Variants in AUTS2 observed in about 807,000 individuals in gnomAD.
AUTS2 encodes activator of transcription and developmental regulator AUTS2, also known as autism susceptibility gene 2 protein.
Under a neutral mutation model 112.4 loss-of-function variants are expected in AUTS2, and 17 were observed. That is an observed-to-expected ratio of 0.15 (90% CI 0.10 to 0.23). The LOEUF (loss-of-function observed/expected upper bound fraction) is 0.23. Among genes scored for constraint, AUTS2 ranks in the 10% least tolerant of loss-of-function variants. AUTS2 has a pLI of 1.00. For synonymous variants in AUTS2, 751 were observed against 702.7 expected (o/e 1.07, Z -1.09); for missense variants, 1,510 against 1,701.6 (o/e 0.89, Z 1.98).
chr7:70,214,621 C>T (rs754894767), intron 4 of AUTS2, among the ~76,000 whole-genome samples: 6 of 152,156 alleles, frequency 3.9e-5, no homozygotes, highest in African/African-American at 7.2e-5. Context: ...ACATACTCCC[C>T]GACAGCCAGC....
intron 2 of AUTS2, among the ~76,000 whole-genome samples, chr7:69,914,450 C>G (rs1375873166): frequency 6.6e-6 from 1 of 150,776 alleles, no homozygotes; most frequent in African/African-American, 2.4e-5. Flanking sequence ...TGGGGATATG[C>G]AATGTAAAAT....
chr7:69,696,609 G>A (rs1469296548), intron 1 of AUTS2, among the ~76,000 whole-genome samples: 1 of 152,200 alleles, frequency 6.6e-6, no homozygotes, highest in Non-Finnish European at 1.5e-5. Context: ...CATGCACAGA[G>A]TGGGGAGAAT....
chr7:70,775,171 G>A (rs900102525), intron 12 of AUTS2, 186 bp from the exon 13 acceptor site: 7 of 601,670 alleles, frequency 1.2e-5, no homozygotes, highest in Admixed American at 3.0e-5. Flanking sequence ...CTTGTGAAGT[G>A]GGGGAGGGGA....
chr7:69,612,596 A>AC (rs1793108829), intron 1 of AUTS2, among the ~76,000 whole-genome samples: 1 of 151,902 alleles, frequency 6.6e-6, no homozygotes, highest in Non-Finnish European at 1.5e-5. Flanking sequence ...AGTAGCTGGG[A>AC]CCACAGGCGC....
intron 2 of AUTS2, among the ~76,000 whole-genome samples, chr7:69,964,350 A>G (rs976687752): frequency 6.6e-6 from 1 of 152,178 alleles, no homozygotes; most frequent in African/African-American, 2.4e-5. Context: ...CCAGGACACT[A>G]AATAGGGCAC....
chr7:69,936,241 T>G (rs571095426), intron 2 of AUTS2, among the ~76,000 whole-genome samples: 16 of 152,194 alleles, frequency 1.1e-4, no homozygotes, highest in African/African-American at 3.4e-4. Flanking sequence ...TTTAGGCCTC[T>G]TCTCTTTCAG....
intron 5 of AUTS2, among the ~76,000 whole-genome samples, chr7:70,585,880 T>TTG (rs1159452278): frequency 0.022 from 3,359 of 151,330 alleles, 107 homozygotes; most frequent in African/African-American, 0.056. Flanking sequence ...ATGTATGTTT[T>TTG]GAGACAGTGT....
chr7:70,130,882 A>G (rs987752507), intron 3 of AUTS2, among the ~76,000 whole-genome samples: 15 of 152,186 alleles, frequency 9.9e-5, no homozygotes, highest in Admixed American at 6.5e-5. Flanking sequence ...ACTGCATTGA[A>G]AATATGAATG....
chr7:70,103,729 AC>A (rs1320346704), intron 2 of AUTS2, among the ~76,000 whole-genome samples: 5 of 151,514 alleles, frequency 3.3e-5, no homozygotes, highest in Non-Finnish European at 7.4e-5. Flanking sequence ...ACATGGTGAA[AC>A]CCCTATCTCT....
At chr7:69,652,112 A>G (rs1245407765) in intron 1 of AUTS2, among the ~76,000 whole-genome samples, 3 of 152,062 alleles carry the variant, frequency 2.0e-5, no homozygotes, top group Non-Finnish European at 4.4e-5. Context: ...CTTAAATCCT[A>G]TTAGGTAAGT....
chr7:70,320,433 A>C (rs1228048713), intron 4 of AUTS2, among the ~76,000 whole-genome samples: 1 of 152,252 alleles, frequency 6.6e-6, no homozygotes, highest in African/African-American at 2.4e-5. Flanking sequence ...ACTTACCAGC[A>C]TGTATTAAAT....
chr7:69,703,368 T>C (rs1021713581), intron 1 of AUTS2, among the ~76,000 whole-genome samples: 5 of 152,230 alleles, frequency 3.3e-5, no homozygotes, highest in African/African-American at 1.2e-4. Flanking sequence ...CATGGAAGGA[T>C]ATCCTCAGCA....
At chr7:69,832,740 G>A (rs1488581177) in intron 1 of AUTS2, among the ~76,000 whole-genome samples, 1 of 152,100 alleles carries the variant, frequency 6.6e-6, no homozygotes, top group Non-Finnish European at 1.5e-5. Flanking sequence ...TACCTTGTAA[G>A]TTAGATATTT....
At chr7:70,469,428 G>A (rs1797292139) in intron 5 of AUTS2, among the ~76,000 whole-genome samples, 1 of 152,156 alleles carries the variant, frequency 6.6e-6, no homozygotes, top group South Asian at 2.1e-4. Flanking sequence ...ATAGGCAACA[G>A]CAAGAGCAAA....
At chr7:70,128,678 A>T (rs1042362816) in intron 3 of AUTS2, among the ~76,000 whole-genome samples, 1 of 152,352 alleles carries the variant, frequency 6.6e-6, no homozygotes, top group East Asian at 1.9e-4. Context: ...GCCCATGCTA[A>T]GGAGGCTGGG....
intron 4 of AUTS2, among the ~76,000 whole-genome samples, chr7:70,298,856 G>A (rs1433229135): frequency 2.0e-5 from 3 of 152,150 alleles, no homozygotes; most frequent in Non-Finnish European, 2.9e-5. Flanking sequence ...ACCACTTGTG[G>A]TTTCTCAATT....
intron 5 of AUTS2, among the ~76,000 whole-genome samples, chr7:70,588,712 T>C (rs1362577624): frequency 6.6e-6 from 1 of 152,176 alleles, no homozygotes; most frequent in African/African-American, 2.4e-5. Flanking sequence ...TAAACTTTCA[T>C]TTTTCATAAT....
chr7:70,003,596 A>G (rs569736747), intron 2 of AUTS2, among the ~76,000 whole-genome samples: 19 of 124,220 alleles, frequency 1.5e-4, no homozygotes, highest in Admixed American at 3.7e-4. Flanking sequence ...ATATATGAAT[A>G]TGTTATATAT....
chr7:70,407,494 G>C (rs569366470), intron 4 of AUTS2, among the ~76,000 whole-genome samples: 1 of 152,162 alleles, frequency 6.6e-6, no homozygotes, highest in Non-Finnish European at 1.5e-5. Flanking sequence ...TCACACCCAA[G>C]TAAAAGCCAT....
Sources: gnomAD v4.1 joint callset for allele counts (sites outside exome capture counted in the v4.1 genomes callset) on GRCh38, gnomAD v4.1.1 for gene constraint, MANE v1.5 for transcripts, NCBI Gene and HGNC (gene_info 2026-07-23, HGNC 2026-07-21) for gene names.